LRP1B: variants seen among roughly 807,000 people sequenced by gnomAD.
LRP1B encodes low-density lipoprotein receptor-related protein 1B.
Under a neutral mutation model 556.6 loss-of-function variants are expected in LRP1B, and 217 were observed. The observed-to-expected ratio is 0.39, with a 90% confidence interval of 0.35 to 0.44. The LOEUF is 0.44. LRP1B is among the 20% of genes least tolerant of loss of function. LRP1B has a pLI of 1.00. For synonymous variants in LRP1B, 2,047 were observed against 1,865.8 expected, an observed-to-expected ratio of 1.10 and a Z score of -2.50; for missense variants, 5,053 against 5,620.8, an observed-to-expected ratio of 0.90 and a Z score of 3.23.
intron 8 of LRP1B, among the ~76,000 whole-genome samples, chr2:141,060,271 C>A (rs1049924206): frequency 5.3e-5 from 8 of 151,526 alleles, no homozygotes; most frequent in African/African-American, 1.9e-4. Flanking sequence ...ATGCTTAGGT[C>A]GGACATAAAA....
chr2:140,836,036 G>T (rs1691891610), intron 31 of LRP1B, among the ~76,000 whole-genome samples: 1 of 151,816 alleles, frequency 6.6e-6, no homozygotes, highest in Non-Finnish European at 1.5e-5. Context: ...ACATCTGTAT[G>T]TACATATCAT....
chr2:140,354,184 CT>C (rs1682104987), intron 75 of LRP1B, among the ~76,000 whole-genome samples: 1 of 152,036 alleles, frequency 6.6e-6, no homozygotes, highest in African/African-American at 2.4e-5. Context: ...TCCTAATTAC[CT>C]AATAAATCTG....
chr2:140,779,385 A>G (rs1172045706), intron 32 of LRP1B, among the ~76,000 whole-genome samples: 1 of 152,136 alleles, frequency 6.6e-6, no homozygotes, highest in African/African-American at 2.4e-5. Context: ...AGAACTCTGT[A>G]GTAAACTATG....
chr2:141,973,827 G>A (rs556584725), intron 1 of LRP1B, among the ~76,000 whole-genome samples: 26 of 151,784 alleles, frequency 1.7e-4, no homozygotes, highest in South Asian at 6.2e-4. Context: ...TACACTTGTT[G>A]TAAGCATATA....
At chr2:140,718,212 A>C (rs1306585850) in intron 35 of LRP1B, among the ~76,000 whole-genome samples, 1 of 151,860 alleles carries the variant, frequency 6.6e-6, no homozygotes, top group African/African-American at 2.4e-5. Context: ...CTTCTCCTGA[A>C]GTCTTCTGCC....
chr2:141,830,358 C>T (rs776413804), intron 1 of LRP1B, among the ~76,000 whole-genome samples: 6 of 151,706 alleles, frequency 4.0e-5, no homozygotes, highest in African/African-American at 7.3e-5. Flanking sequence ...ATTTACTATA[C>T]GAAGCAATTT....
At chr2:140,942,638 G>C (rs987629671) in intron 20 of LRP1B, among the ~76,000 whole-genome samples, 1 of 151,986 alleles carries the variant, frequency 6.6e-6, no homozygotes, top group African/African-American at 2.4e-5. Context: ...CCTATTTTTA[G>C]TATTCTTATA....
intron 3 of LRP1B, among the ~76,000 whole-genome samples, chr2:141,289,424 A>G (rs1685857762): frequency 6.6e-6 from 1 of 151,776 alleles, no homozygotes; most frequent in South Asian, 2.1e-4. Context: ...AAATGCATAA[A>G]AAGGCATCTG....
chr2:140,832,860 T>G (rs1691764297), intron 31 of LRP1B, among the ~76,000 whole-genome samples: 1 of 109,894 alleles, frequency 9.1e-6, no homozygotes, highest in Non-Finnish European at 1.9e-5. Flanking sequence ...AATAATGTAT[T>G]GTCTAGTTCA....
At chr2:141,790,167 T>A (rs1031443862) in intron 2 of LRP1B, among the ~76,000 whole-genome samples, 1 of 151,896 alleles carries the variant, frequency 6.6e-6, no homozygotes, top group African/African-American at 2.4e-5. Context: ...GGAGATAAAC[T>A]TTGCAATTTA....
chr2:141,131,709 CACTG>C (rs1046657991), intron 7 of LRP1B, among the ~76,000 whole-genome samples: 1 of 151,824 alleles, frequency 6.6e-6, no homozygotes, highest in African/African-American at 2.4e-5. Context: ...TATGTCTCCT[CACTG>C]ACAGAGGGAA....
intron 1 of LRP1B, among the ~76,000 whole-genome samples, chr2:142,071,550 TCC>T: frequency 6.6e-6 from 1 of 151,978 alleles, no homozygotes; most frequent in East Asian, 1.9e-4. Flanking sequence ...AATTTAAATA[TCC>T]TCATTTATAA....
chr2:140,460,639 C>T (rs1687280137), intron 60 of LRP1B, among the ~76,000 whole-genome samples: 1 of 152,106 alleles, frequency 6.6e-6, no homozygotes, highest in African/African-American at 2.4e-5. Context: ...TACAGGTATT[C>T]AGTAGACACA....
At chr2:141,653,593 G>T (rs532469967) in intron 2 of LRP1B, among the ~76,000 whole-genome samples, 298 of 150,328 alleles carry the variant, frequency 2.0e-3, no homozygotes, top group Non-Finnish European at 3.7e-3. Context: ...TAGTATACAG[G>T]TGTTGCAAAG....
At position 141,035,036 on chromosome 2, in the gene LRP1B, G is replaced by A. The variant is rs550025020; in HGVS notation, c.1789+13950C>T. 3.1e-3 allele frequency among the ~76,000 whole-genome samples: 469 copies of A among 152,114 alleles called. 4 individuals carry two copies. The highest frequency in any genetic ancestry group is 0.011 in the African/African-American group (456 of 41,488). ...GGAATACTATGCAGCCATAAAAAAT[G>A]ATGAGTTCATGTCCTTTGTAGGGAC... On this transcript the variant is annotated intron_variant, in intron 11 of 90. Transcript: ENST00000389484.
At chr2:141,774,903 C>A (rs1221057524) in intron 2 of LRP1B, among the ~76,000 whole-genome samples, 1 of 152,168 alleles carries the variant, frequency 6.6e-6, no homozygotes, top group Non-Finnish European at 1.5e-5. Context: ...TGATTCTCTT[C>A]CATTCTCTTT....
chr2:141,092,145 T>C (rs1042869440), intron 7 of LRP1B, among the ~76,000 whole-genome samples: 1 of 152,326 alleles, frequency 6.6e-6, no homozygotes, highest in South Asian at 2.1e-4. Flanking sequence ...TATATGTTGC[T>C]GTTTGGCTTA....
chr2:141,822,334 GC>G (rs1696781838), intron 1 of LRP1B, among the ~76,000 whole-genome samples: 2 of 151,764 alleles, frequency 1.3e-5, no homozygotes, highest in South Asian at 2.1e-4. Context: ...CTTTTAACCT[GC>G]CCTTTTTCAA....
chr2:140,783,518 ATAGGAG>A (rs1230346629), intron 32 of LRP1B, among the ~76,000 whole-genome samples: 12 of 152,026 alleles, frequency 7.9e-5, no homozygotes, highest in Admixed American at 1.3e-4. Context: ...CAGATGAAGA[ATAGGAG>A]AGAAGACCAT....
Sources: allele counts gnomAD v4.1 joint callset (sites outside exome capture counted in the v4.1 genomes callset), GRCh38; gene constraint gnomAD v4.1.1; transcripts MANE v1.5; gene names NCBI Gene and HGNC (gene_info 2026-07-23, HGNC 2026-07-21).